Variants in NALF1 observed in about 807,000 individuals in gnomAD.
NALF1 encodes the protein family with sequence similarity 155 member A.
In NALF1, 3 loss-of-function variants were observed where a neutral mutation model predicts 48.4. The observed-to-expected ratio is 0.06, with a 90% CI of 0.03 to 0.16. The LOEUF (loss-of-function observed/expected upper bound fraction) is 0.16. Among genes scored for constraint, NALF1 ranks in the 10% least tolerant of loss-of-function variants. The pLI is 1.00. For missense variants in NALF1, 526 were observed against 571.5 expected (o/e 0.92, Z 0.81); for synonymous variants, 262 against 245.7 (o/e 1.07, Z -0.62).
intron 1 of NALF1, among the ~76,000 whole-genome samples, chr13:107,809,506 CT>C (rs36049875): frequency 3.0e-4 from 46 of 152,158 alleles, no homozygotes; most frequent in Non-Finnish European, 5.9e-4. Context: ...TAGAAAAGCC[CT>C]TTTCTCCTCC....
intron 1 of NALF1, among the ~76,000 whole-genome samples, chr13:107,608,943 G>C (rs1396538635): frequency 6.6e-6 from 1 of 152,174 alleles, no homozygotes; most frequent in Non-Finnish European, 1.5e-5. Flanking sequence ...CGGGCACCAG[G>C]GATGGTGCCG....
rs9555386 is a variant in NALF1 at position 107,605,488 on chromosome 13, C to T, written c.915+260194G>A. 0.025 allele frequency among the ~76,000 whole-genome samples: 3,748 copies of T among 152,048 alleles called. 222 individuals are homozygous for T. The East Asian group carries it at 0.26, about 11-fold the overall frequency. ...ATTATTAGGCCTATTTACTTAATAG[C>T]ATATTATCATGTTTTTGTTTTTATT... On this transcript the variant is annotated intron_variant, in intron 1 of 2. Transcript: ENST00000375915.
chr13:107,308,528 C>T (rs1164479617), intron 1 of NALF1, among the ~76,000 whole-genome samples: 1 of 152,042 alleles, frequency 6.6e-6, no homozygotes, highest in African/African-American at 2.4e-5. Context: ...ATGTCCATAG[C>T]AATCATAGCC....
intron 1 of NALF1, among the ~76,000 whole-genome samples, chr13:107,262,868 A>T (rs1456578892): frequency 6.6e-6 from 1 of 151,874 alleles, no homozygotes; most frequent in Non-Finnish European, 1.5e-5. Context: ...GTGAAAAGTC[A>T]CTTTACAATG....
intron 1 of NALF1, among the ~76,000 whole-genome samples, chr13:107,547,400 C>A (rs918425459): frequency 6.6e-6 from 1 of 152,104 alleles, no homozygotes. Flanking sequence ...ACTTAAGAGT[C>A]TATAATAAAT....
intron 1 of NALF1, among the ~76,000 whole-genome samples, chr13:107,372,737 C>T (rs921234398): frequency 2.0e-5 from 3 of 152,148 alleles, no homozygotes; most frequent in Non-Finnish European, 4.4e-5. Flanking sequence ...AGAATACCTA[C>T]CAATCTGTTA....
chr13:107,298,517 C>T (rs1398054817), intron 1 of NALF1, among the ~76,000 whole-genome samples: 4 of 151,932 alleles, frequency 2.6e-5, no homozygotes, highest in African/African-American at 7.2e-5. Flanking sequence ...CTATAACCTC[C>T]GCCTCCCGGG....
At chr13:107,212,549 G>C (rs571845130) in intron 1 of NALF1, among the ~76,000 whole-genome samples, 1 of 151,472 alleles carries the variant, frequency 6.6e-6, no homozygotes, top group Admixed American at 6.6e-5. Flanking sequence ...AGGTGGTGCC[G>C]GCAGCAAGAG....
At chr13:107,209,549 G>A (rs1377272330) in intron 2 of NALF1, among the ~76,000 whole-genome samples, 1 of 152,010 alleles carries the variant, frequency 6.6e-6, no homozygotes, top group Admixed American at 6.6e-5. Flanking sequence ...GCGAGCTTTG[G>A]CAGACTATCT....
At chr13:107,407,043 C>T (rs1369076881) in intron 1 of NALF1, among the ~76,000 whole-genome samples, 1 of 151,886 alleles carries the variant, frequency 6.6e-6, no homozygotes. Context: ...ATAAATGGCC[C>T]TAGGAAAACT....
chr13:107,357,093 A>G (rs1042504496), intron 1 of NALF1, among the ~76,000 whole-genome samples: 10 of 152,166 alleles, frequency 6.6e-5, no homozygotes, highest in Non-Finnish European at 1.2e-4. Context: ...ATATAATACA[A>G]TTGCATTAGT....
At chr13:107,693,245 T>C (rs1594210821) in intron 1 of NALF1, among the ~76,000 whole-genome samples, 1 of 149,464 alleles carries the variant, frequency 6.7e-6, no homozygotes, top group Non-Finnish European at 1.5e-5. Context: ...ACACCACATG[T>C]TCTCACTCAT....
chr13:107,485,288 C>T lies in NALF1; in HGVS notation c.916-274533G>A, dbSNP rs578159959. Among the ~76,000 whole-genome samples, 6 of 152,194 alleles carry T rather than the reference C, an allele frequency of 3.9e-5. No individual in the cohort carries two copies. The South Asian group carries it at 1.2e-3, about 32-fold the overall frequency. ...TTGGTGTCACTCACTTTAATGATTGCTAATTAGTCACTTTACTGGCACTTC... is the reference window on the plus strand; with the variant it reads ...TTGGTGTCACTCACTTTAATGATTGTTAATTAGTCACTTTACTGGCACTTC... On this transcript the variant is annotated intron_variant, in intron 1 of 2. Coordinates refer to ENST00000375915, the MANE Select transcript of NALF1 (RefSeq NM_001080396.3).
At chr13:107,357,016 A>C (rs1882974478) in intron 1 of NALF1, among the ~76,000 whole-genome samples, 1 of 152,238 alleles carries the variant, frequency 6.6e-6, no homozygotes, top group South Asian at 2.1e-4. Context: ...AAGTACATAC[A>C]CATCAAGAGG....
intron 2 of NALF1, among the ~76,000 whole-genome samples, chr13:107,198,551 C>T (rs543509151): frequency 6.6e-6 from 1 of 152,196 alleles, no homozygotes; most frequent in South Asian, 2.1e-4. Context: ...GCAGAATTCG[C>T]CTTCATACAA....
intron 1 of NALF1, among the ~76,000 whole-genome samples, chr13:107,489,809 T>C (rs1314180980): frequency 5.3e-5 from 8 of 151,962 alleles, no homozygotes; most frequent in African/African-American, 1.5e-4. Flanking sequence ...AGACAACCCA[T>C]GGAATGGGAG....
intron 1 of NALF1, among the ~76,000 whole-genome samples, chr13:107,559,041 C>A (rs1265762107): frequency 1.3e-5 from 2 of 152,228 alleles, no homozygotes; most frequent in African/African-American, 4.8e-5. Context: ...ACTTCTCCGC[C>A]TCCATGATGG....
At chr13:107,227,352 T>C (rs572616123) in intron 1 of NALF1, among the ~76,000 whole-genome samples, 21 of 152,326 alleles carry the variant, frequency 1.4e-4, no homozygotes, top group South Asian at 1.0e-3. Context: ...TAGTAGTAAC[T>C]TTGATTACTC....
At chr13:107,799,449 T>C (rs984399695) in intron 1 of NALF1, among the ~76,000 whole-genome samples, 1 of 152,192 alleles carries the variant, frequency 6.6e-6, no homozygotes, top group African/African-American at 2.4e-5. Flanking sequence ...ACCAGTTTTC[T>C]TGAATCTTTC....
Sources: gnomAD v4.1 joint callset for allele counts (sites outside exome capture counted in the v4.1 genomes callset) on GRCh38, gnomAD v4.1.1 for gene constraint, MANE v1.5 for transcripts, NCBI Gene and HGNC (gene_info 2026-07-23, HGNC 2026-07-21) for gene names.